The following RANBP10 variants were observed in gnomAD, a reference collection of about 807,000 sequenced individuals.
RANBP10 encodes the protein RAN binding protein 10, also known as ran-binding protein 10.
A neutral mutation model predicts 72.8 loss-of-function variants in RANBP10; 24 were observed. That is an observed-to-expected ratio of 0.33 (90% confidence interval 0.24 to 0.46). RANBP10 has a LOEUF of 0.46. RANBP10 is among the 20% of genes least tolerant of loss of function. RANBP10 has a pLI of 1.00. For synonymous variants in RANBP10, 310 were observed against 322.3 expected (o/e 0.96, Z 0.41); for missense variants, 679 against 817.5 (o/e 0.83, Z 2.07).
chr16:67,758,215 C>T (rs2054326844), intron 3 of RANBP10, among the ~76,000 whole-genome samples: 1 of 152,226 alleles, frequency 6.6e-6, no homozygotes, highest in African/African-American at 2.4e-5. Context: ...TCTGGTCCAT[C>T]TGGCAGCACT....
intron 2 of RANBP10, among the ~76,000 whole-genome samples, chr16:67,780,302 G>C (rs956326385): frequency 6.6e-6 from 1 of 152,148 alleles, no homozygotes; most frequent in Admixed American, 6.6e-5. Flanking sequence ...GCAGCCACGT[G>C]GTTGGGGAAC....
chr16:67,729,931 G>C lies in RANBP10; in HGVS notation c.998+7C>G. 1 of 1,613,810 alleles carries C rather than the reference G, an allele frequency of 6.2e-7. No individual in the cohort carries two copies. The highest frequency in any genetic ancestry group is 8.5e-7 in the Non-Finnish European group (1 of 1,180,026). On this transcript the variant is annotated splice_region_variant and intron_variant, in intron 8 of 13. Transcript: ENST00000317506. This position sits in a 1 kb window ranked among gnomAD's most constrained non-coding sequence, Gnocchi z 7.1. The stretch of plus-strand genomic sequence containing the variant: ...CTCTGGGGGAGCTGGGGGTGCCCAA[G>C]ACTTACTTGAGCATGAAGAGGAGGT...
chr16:67,787,768 G>C (rs937700714), intron 2 of RANBP10, among the ~76,000 whole-genome samples: 2 of 152,188 alleles, frequency 1.3e-5, no homozygotes, highest in African/African-American at 2.4e-5. Flanking sequence ...TTGGGAGGCT[G>C]AGGCAAGAGG....
rs2054021603 is a variant in RANBP10, at chr16:67,744,096, G to A, written c.568+192C>T. On this transcript the variant is annotated intron_variant, in intron 4 of 13. Transcript: ENST00000317506. ...ATCCTCCCTGGGCTGGATAAACGCA[G>A]CTGACTGGCTGGATGAACAAAGGCG... 3.0e-6 allele frequency: 3 copies of A among 985,402 alleles called. No individual in the cohort carries two copies. The South Asian group carries it at 1.4e-4, about 46-fold the overall frequency. 61.0% of individuals were successfully genotyped at this position (985,402 alleles called of 1,614,324 possible).
chr16:67,743,744 C>T (rs1348007311), intron 4 of RANBP10, among the ~76,000 whole-genome samples: 1 of 152,212 alleles, frequency 6.6e-6, no homozygotes, highest in Non-Finnish European at 1.5e-5. Flanking sequence ...TGCCTCTTCC[C>T]CTGGTCTTTA....
chr16:67,746,483 A>AAAT (rs948347845), intron 3 of RANBP10, among the ~76,000 whole-genome samples: 6 of 151,794 alleles, frequency 4.0e-5, no homozygotes, highest in African/African-American at 9.7e-5. Context: ...TCCGTCTCAA[A>AAAT]AATAATAATA....
chr16:67,779,415 AC>A (rs1250006082), intron 2 of RANBP10, among the ~76,000 whole-genome samples: 1 of 151,870 alleles, frequency 6.6e-6, no homozygotes, highest in Non-Finnish European at 1.5e-5. Context: ...AAAAAAAAAA[AC>A]ACAGCGAGAT....
At chr16:67,747,807 A>ATTTTC (rs1353810939) in intron 3 of RANBP10, among the ~76,000 whole-genome samples, 13 of 124,788 alleles carry the variant, frequency 1.0e-4, no homozygotes, top group South Asian at 5.0e-4. Flanking sequence ...GCTTGGCCTC[A>ATTTTC]TTTTCTTTTC....
chr16:67,742,073 CTTT>C (rs758902349), intron 4 of RANBP10, among the ~76,000 whole-genome samples: 1 of 141,144 alleles, frequency 7.1e-6, no homozygotes. Flanking sequence ...CTAAGTGATT[CTTT>C]TTTTTTTTTT....
rs2143001205 is a variant in RANBP10, at chr16:67,729,600, C to A, written c.1147+80G>T. The A allele has an allele frequency of 6.4e-7, 1 of 1,555,092 alleles. No individual in the cohort carries two copies. The highest frequency in any genetic ancestry group is 8.7e-7 in the Non-Finnish European group (1 of 1,152,622). ...CCCAAATCCAGCAGTGAGCCCTGAGCCCAGCCCAGGAAAGGGTATGTGGAG... is the reference window on the plus strand; with the variant it reads ...CCCAAATCCAGCAGTGAGCCCTGAGACCAGCCCAGGAAAGGGTATGTGGAG... On this transcript the variant is annotated intron_variant, in intron 9 of 13. Transcript: ENST00000317506. This position sits in a 1 kb window ranked among gnomAD's most constrained non-coding sequence, Gnocchi z 7.1.
At chr16:67,764,022 C>G (rs2054450352) in intron 3 of RANBP10, among the ~76,000 whole-genome samples, 1 of 152,090 alleles carries the variant, frequency 6.6e-6, no homozygotes, top group Non-Finnish European at 1.5e-5. Flanking sequence ...TAATCAGGAA[C>G]TAGACCCAAG....
Position 67,729,496 on chromosome 16 carries a change from G to A in RANBP10, c.1148-12C>T, listed in dbSNP as rs1326801683. On this transcript the variant is annotated splice_polypyrimidine_tract_variant and intron_variant, in intron 9 of 13. Coordinates refer to ENST00000317506, the MANE Select transcript of RANBP10 (RefSeq NM_020850.3). The surrounding 1 kb of genome is among the most constrained non-coding windows in gnomAD (Gnocchi z 7.1). Reference sequence around the variant, plus strand: ...GGGACTGTCTGCTCCTAGAAGCCAGGGTGACAGTCAGAAGAGGAGGGGCAG... The same window carrying A: ...GGGACTGTCTGCTCCTAGAAGCCAGAGTGACAGTCAGAAGAGGAGGGGCAG... 2 of 1,608,648 alleles carry A rather than the reference G, an allele frequency of 1.2e-6. No homozygotes were observed. The highest frequency in any genetic ancestry group is 2.2e-5 in the South Asian group (2 of 90,810).
intron 3 of RANBP10, 103 bp downstream of exon 3, chr16:67,771,931 G>A: frequency 7.4e-7 from 1 of 1,353,086 alleles, no homozygotes. Flanking sequence ...GAGGTAGGCA[G>A]CTAGCAAACA....
chr16:67,791,446 G>A (rs2055026481), intron 2 of RANBP10, among the ~76,000 whole-genome samples: 1 of 152,142 alleles, frequency 6.6e-6, no homozygotes, highest in Admixed American at 6.6e-5. Context: ...TCCATCAGCA[G>A]GATGTCCCTA....
intron 3 of RANBP10, among the ~76,000 whole-genome samples, chr16:67,751,699 T>C (rs866400090): frequency 9.2e-5 from 14 of 152,074 alleles, no homozygotes; most frequent in African/African-American, 2.9e-4. Flanking sequence ...GCAGACCACC[T>C]GAGGTCAGGA....
intron 2 of RANBP10, among the ~76,000 whole-genome samples, chr16:67,804,717 C>T (rs879745041): frequency 2.0e-5 from 3 of 151,974 alleles, no homozygotes; most frequent in Non-Finnish European, 4.4e-5. Flanking sequence ...TTAGTAGAGA[C>T]AGGGTTTCAG....
At chr16:67,753,205 TA>T (rs869120981) in intron 3 of RANBP10, among the ~76,000 whole-genome samples, 1,286 of 123,640 alleles carry the variant, frequency 0.01, 8 homozygotes, top group African/African-American at 0.026. Context: ...AATCTCATCT[TA>T]AAAAAAAAAA....
chr16:67,742,373 TA>T (rs1169461201), intron 4 of RANBP10, among the ~76,000 whole-genome samples: 1 of 152,058 alleles, frequency 6.6e-6, no homozygotes, highest in Non-Finnish European at 1.5e-5. Flanking sequence ...CTGAAAAGGG[TA>T]TCAAATATTT....
Position 67,744,361 on chromosome 16 carries a change from T to G in RANBP10, c.495A>C (p.Thr165=). ...TGQPYGPTFT[T]GDVIGCCVNL... is the part of the protein sequence containing the mutation. ...TGACACAGCAGCCGATCACGTCTCC[T>G]GTGGTGAATGTGGGACCATAGGGCT... Residue 165 remains threonine, a synonymous_variant, in exon 4 of 14, where the codon ACA becomes ACC. Coordinates refer to ENST00000317506, the MANE Select transcript of RANBP10 (RefSeq NM_020850.3). 1 of 1,614,210 alleles carries G rather than the reference T, an allele frequency of 6.2e-7. No homozygotes were observed. The highest frequency in any genetic ancestry group is 1.7e-5 in the Admixed American group (1 of 60,018).
Sources: allele counts gnomAD v4.1 joint callset (sites outside exome capture counted in the v4.1 genomes callset), GRCh38; gene constraint gnomAD v4.1.1; non-coding constraint Gnocchi (gnomAD v3.1); transcripts MANE v1.5; gene names NCBI Gene and HGNC (gene_info 2026-07-23, HGNC 2026-07-21).